The following SDK2 variants were observed in gnomAD, a reference collection of about 807,000 sequenced individuals.
SDK2 encodes sidekick cell adhesion molecule 2.
SDK2 carries 105 observed loss-of-function variants against 253.9 expected under a neutral mutation model. The ratio of observed to expected loss-of-function variants is 0.41; its 90% CI spans 0.35 to 0.49. SDK2 has a LOEUF of 0.49. Ranked by LOEUF, SDK2 falls within the 20% of genes least tolerant of loss-of-function variation. The pLI, the probability that SDK2 is intolerant of heterozygous loss-of-function variation, is 0.06. For synonymous variants in SDK2, 1,249 were observed against 1,234.9 expected (o/e 1.01, Z -0.24); for missense variants, 2,608 against 3,003.0 (o/e 0.87, Z 3.07).
In SDK2 at chr17:73,496,590, G is replaced by A. The variant is rs1176377488; in HGVS notation, c.224+10848C>T. Reference sequence around the variant, plus strand: ...GTGATACAGGGTCTTGTACTCCCTCGACCAAAATCCTTTCGAGACTGTCCA... The same window carrying A: ...GTGATACAGGGTCTTGTACTCCCTCAACCAAAATCCTTTCGAGACTGTCCA... On this transcript the variant is annotated intron_variant, in intron 2 of 44. Transcript: ENST00000392650. The surrounding 1 kb of genome is among the most constrained non-coding windows in gnomAD (Gnocchi z 4.7). Among the ~76,000 whole-genome samples, 5 of 152,074 alleles carry A rather than the reference G, an allele frequency of 3.3e-5. No individual in the cohort carries two copies. The highest frequency in any genetic ancestry group is 7.4e-5 in the Non-Finnish European group (5 of 68,020).
chr17:73,633,970 G>A (rs551841542), intron 1 of SDK2, among the ~76,000 whole-genome samples: 1 of 152,310 alleles, frequency 6.6e-6, no homozygotes, highest in South Asian at 2.1e-4. Flanking sequence ...AGGTGGAGGC[G>A]AGATTGCAGT....
At chr17:73,376,927 G>A (rs1006966699) in intron 36 of SDK2, among the ~76,000 whole-genome samples, 6 of 149,918 alleles carry the variant, frequency 4.0e-5, no homozygotes, top group African/African-American at 7.4e-5. Flanking sequence ...ATCCTAAATC[G>A]GGACTACCTG....
intron 3 of SDK2, among the ~76,000 whole-genome samples, chr17:73,469,980 C>CTGCGCGCGCG (rs1555585088): frequency 4.4e-4 from 39 of 87,712 alleles, no homozygotes; most frequent in African/African-American, 1.7e-3. Context: ...GCATTTGCGA[C>CTGCGCGCGCG]TGCGCGCGCG....
intron 1 of SDK2, among the ~76,000 whole-genome samples, chr17:73,512,395 TA>T (rs2063987571): frequency 6.6e-6 from 1 of 152,006 alleles, no homozygotes. Context: ...GATGGTGCAG[TA>T]AACAACCTGT....
chr17:73,590,649 C>T (rs186217157), intron 1 of SDK2, among the ~76,000 whole-genome samples: 2 of 152,270 alleles, frequency 1.3e-5, no homozygotes, highest in Admixed American at 6.5e-5. Flanking sequence ...ATGGCCAACC[C>T]GGAGAGTCAC....
chr17:73,419,385 G>A, intron 15 of SDK2, 79 bp from the exon 16 acceptor site: 1 of 1,480,914 alleles, frequency 6.8e-7, no homozygotes, highest in Non-Finnish European at 9.2e-7. Flanking sequence ...GCTGAACCCT[G>A]GCCTGCTCTG....
intron 1 of SDK2, among the ~76,000 whole-genome samples, chr17:73,583,307 G>A (rs548419007): frequency 1.3e-5 from 2 of 152,292 alleles, no homozygotes; most frequent in South Asian, 4.1e-4. Context: ...CATGGATGAA[G>A]GCATGAATGC....
At chr17:73,532,077 C>T (rs1263572812) in intron 1 of SDK2, among the ~76,000 whole-genome samples, 1 of 152,200 alleles carries the variant, frequency 6.6e-6, no homozygotes, top group Non-Finnish European at 1.5e-5. Flanking sequence ...CTGCCCCCAG[C>T]TCCCGGGGGA....
intron 1 of SDK2, among the ~76,000 whole-genome samples, chr17:73,510,016 G>A (rs987917454): frequency 1.3e-5 from 2 of 151,832 alleles, no homozygotes; most frequent in Admixed American, 6.6e-5. Context: ...CTGGAAGGGA[G>A]TGGACCCAGG....
intron 12 of SDK2, among the ~76,000 whole-genome samples, chr17:73,425,668 C>T (rs529154932): frequency 5.3e-5 from 8 of 151,960 alleles, no homozygotes; most frequent in Non-Finnish European, 1.2e-4. Context: ...CCACCACGCC[C>T]GACTAATTTT....
chr17:73,628,815 C>A (rs1041495863), intron 1 of SDK2, among the ~76,000 whole-genome samples: 2 of 152,196 alleles, frequency 1.3e-5, no homozygotes, highest in Non-Finnish European at 2.9e-5. Context: ...GGAAGTGTGG[C>A]CCCCTTCCAA....
rs2045377162 is a variant in SDK2 at position 73,570,961 on chromosome 17, C to T, written c.65-63364G>A. On this transcript the variant is annotated intron_variant, in intron 1 of 44. Transcript: ENST00000392650. The surrounding 1 kb of genome is among the most constrained non-coding windows in gnomAD (Gnocchi z 4.2). Reference sequence around the variant, plus strand: ...AAGGGTGACTATTGTGAGCCCTGGTCTGGTCCTGAGTGGCTGCTGGGACCT... The same window carrying T: ...AAGGGTGACTATTGTGAGCCCTGGTTTGGTCCTGAGTGGCTGCTGGGACCT... Among the ~76,000 whole-genome samples, 1 of 152,140 alleles carries T rather than the reference C, an allele frequency of 6.6e-6. No individual in the cohort carries two copies. Among genetic ancestry groups the T allele is most frequent in the Non-Finnish European group, 1.5e-5 (1 of 68,018 alleles).
At chr17:73,603,896 C>T (rs113077980) in intron 1 of SDK2, among the ~76,000 whole-genome samples, 128 of 152,296 alleles carry the variant, frequency 8.4e-4, no homozygotes, top group African/African-American at 2.8e-3. Context: ...CAGAGGTCAG[C>T]GGCCACAATG....
intron 1 of SDK2, among the ~76,000 whole-genome samples, chr17:73,624,016 G>A (rs1184775617): frequency 6.6e-6 from 1 of 152,188 alleles, no homozygotes; most frequent in African/African-American, 2.4e-5. Flanking sequence ...GGGCAGGGCC[G>A]CTCAGCCTGC....
At chr17:73,449,052 G>C (rs1241691138) in intron 4 of SDK2, among the ~76,000 whole-genome samples, 2 of 152,120 alleles carry the variant, frequency 1.3e-5, no homozygotes, top group Non-Finnish European at 2.9e-5. Context: ...TTGGGGTGTG[G>C]TGATGGGCTG....
chr17:73,463,941 C>A (rs913766351), intron 3 of SDK2, among the ~76,000 whole-genome samples: 1 of 152,270 alleles, frequency 6.6e-6, no homozygotes, highest in East Asian at 1.9e-4. Flanking sequence ...TTTGCATAAA[C>A]CCCAGTTGGT....
At chr17:73,506,474 T>C (rs1363935416) in intron 2 of SDK2, among the ~76,000 whole-genome samples, 1 of 152,094 alleles carries the variant, frequency 6.6e-6, no homozygotes, top group Admixed American at 6.5e-5. Context: ...GGGGAGTCAC[T>C]CCAAACTCTG....
At position 73,390,323 on chromosome 17, in the gene SDK2, C is replaced by T; in HGVS notation, c.4156G>A (p.Ala1386Thr). 1.2e-6 allele frequency: 2 copies of T among 1,604,606 alleles called. No homozygotes were observed. The highest frequency in any genetic ancestry group is 1.7e-6 in the Non-Finnish European group (2 of 1,177,380). Reference protein sequence around the residue: ...TAQTRKGWGEAAEALVVTTEK... With the variant: ...TAQTRKGWGETAEALVVTTEK... ...GTGGTCACCACCAAGGCCTCGGCAGCTTCTCCCCAGCCCTTGCGGGTCTGG... is the reference window on the plus strand; with the variant it reads ...GTGGTCACCACCAAGGCCTCGGCAGTTTCTCCCCAGCCCTTGCGGGTCTGG... The change falls in exon 29 of 45, where the codon GCT becomes ACT. Residue 1386 changes from alanine to threonine, a missense_variant. Physicochemically the swap from Ala to Thr is moderately conservative, Grantham distance 58. Transcript: ENST00000392650.
chr17:73,584,794 C>T (rs2045582862), intron 1 of SDK2, among the ~76,000 whole-genome samples: 1 of 152,266 alleles, frequency 6.6e-6, no homozygotes, highest in South Asian at 2.1e-4. Flanking sequence ...CCCCTTCTGC[C>T]TGTGTCCCTG....
Sources: allele counts gnomAD v4.1 joint callset (sites outside exome capture counted in the v4.1 genomes callset), GRCh38; gene constraint gnomAD v4.1.1; non-coding constraint Gnocchi (gnomAD v3.1); transcripts MANE v1.5; gene names NCBI Gene and HGNC (gene_info 2026-07-23, HGNC 2026-07-21).